RABGAP1L: variants seen among roughly 807,000 people sequenced by gnomAD.
RABGAP1L encodes RAB GTPase activating protein 1 like, also known as rab GTPase-activating protein 1-like.
A neutral mutation model predicts 137.7 loss-of-function variants in RABGAP1L; 63 were observed. That is an observed-to-expected ratio of 0.46 (90% CI 0.37 to 0.56). The LOEUF is 0.56. RABGAP1L is among the 20% of genes least tolerant of loss of function. The pLI is 0.00. For synonymous variants in RABGAP1L, 431 were observed against 433.7 expected (o/e 0.99, Z 0.08); for missense variants, 1,095 against 1,244.0 (o/e 0.88, Z 1.80).
Position 174,571,908 on chromosome 1 carries a change from G to T in RABGAP1L, c.1711-65467G>T, listed in dbSNP as rs892512364. ...CAGAAATTCTTATCATTTTTTTCAG[G>T]ATTAGTCCCAAATACTCAAGTTTAA... On this transcript the variant is annotated intron_variant, in intron 13 of 25. Coordinates refer to ENST00000681986, the MANE Select transcript of RABGAP1L (RefSeq NM_001366446.1). Among the ~76,000 whole-genome samples, 10 of 152,084 alleles carry T rather than the reference G, an allele frequency of 6.6e-5. No homozygotes were observed. The East Asian group carries it at 1.9e-3, about 29-fold the overall frequency.
chr1:174,635,994 G>A (rs1673989764), intron 13 of RABGAP1L, among the ~76,000 whole-genome samples: 1 of 152,144 alleles, frequency 6.6e-6, no homozygotes, highest in Admixed American at 6.5e-5. Context: ...ATGGAAATAA[G>A]ACATTAAGCA....
chr1:174,215,529 T>A lies in RABGAP1L; in HGVS notation c.-33-3596T>A, dbSNP rs560283118. Among the ~76,000 whole-genome samples the A allele has an allele frequency of 5.3e-5, 8 of 151,950 alleles. No individual in the cohort carries two copies. The East Asian group carries it at 1.5e-3, about 29-fold the overall frequency. Reference sequence around the variant, plus strand: ...GACAATAGATTTGAATAGACATTTCTCAAAAGAAGATATACAAATGGCAAA... The same window carrying A: ...GACAATAGATTTGAATAGACATTTCACAAAAGAAGATATACAAATGGCAAA... On this transcript the variant is annotated intron_variant, in intron 1 of 25. Transcript: ENST00000681986.
intron 18 of RABGAP1L, among the ~76,000 whole-genome samples, chr1:174,787,712 A>G (rs1687558532): frequency 6.6e-6 from 1 of 152,178 alleles, no homozygotes; most frequent in Non-Finnish European, 1.5e-5. Flanking sequence ...GTTTTGTTTT[A>G]GGAAGATAAT....
At chr1:174,911,663 C>A (rs1218416593) in intron 19 of RABGAP1L, among the ~76,000 whole-genome samples, 1 of 152,102 alleles carries the variant, frequency 6.6e-6, no homozygotes, top group Admixed American at 6.6e-5. Flanking sequence ...GTTAAAGCTC[C>A]CTTGCTGAAC....
chr1:174,328,565 T>C (rs2148855048), intron 11 of RABGAP1L, among the ~76,000 whole-genome samples: 2 of 151,076 alleles, frequency 1.3e-5, no homozygotes, highest in South Asian at 4.2e-4. Context: ...AGGTCAGGAG[T>C]TCAAGATCAG....
Position 174,419,124 on chromosome 1 carries a change from C to T in RABGAP1L, c.1710+24979C>T, listed in dbSNP as rs375887687. Among the ~76,000 whole-genome samples the T allele has an allele frequency of 4.6e-5, 7 of 152,288 alleles. No individual in the cohort carries two copies. In the East Asian group the frequency reaches 7.7e-4, roughly 17 times the overall value. The stretch of plus-strand genomic sequence containing the variant: ...AAGTCTTGATTTAATGGTTAGAGTA[C>T]TTAGTTTTTGATAATCTATTCTTGG... On this transcript the variant is annotated intron_variant, in intron 13 of 25. Transcript: ENST00000681986.
intron 18 of RABGAP1L, among the ~76,000 whole-genome samples, chr1:174,807,204 T>G (rs947454250): frequency 1.3e-5 from 2 of 152,232 alleles, no homozygotes; most frequent in Non-Finnish European, 2.9e-5. Context: ...AATAAAATAT[T>G]AATTATGTTT....
At chr1:174,416,342 C>G (rs771772373) in intron 13 of RABGAP1L, among the ~76,000 whole-genome samples, 3 of 151,992 alleles carry the variant, frequency 2.0e-5, no homozygotes, top group Non-Finnish European at 2.9e-5. Flanking sequence ...AACTGTAGAC[C>G]TGGCTACTTG....
chr1:174,526,338 T>C (rs545267813), intron 13 of RABGAP1L, among the ~76,000 whole-genome samples: 1 of 152,286 alleles, frequency 6.6e-6, no homozygotes, highest in African/African-American at 2.4e-5. Flanking sequence ...TTTGGTATCA[T>C]GGTAATGCTG....
In RABGAP1L at chr1:174,435,956, T is replaced by A. The variant is rs182970347; in HGVS notation, c.1710+41811T>A. The stretch of plus-strand genomic sequence containing the variant: ...TTTCTGAGAATGATGGTTTCCAGCT[T>A]CATCCGTGTCCCTACAAAGGACATG... On this transcript the variant is annotated intron_variant, in intron 13 of 25. Coordinates refer to ENST00000681986, the MANE Select transcript of RABGAP1L (RefSeq NM_001366446.1). 6.9e-4 allele frequency among the ~76,000 whole-genome samples: 105 copies of A among 152,296 alleles called. 1 individual carries two copies. The highest frequency in any genetic ancestry group is 3.4e-3 in the Middle Eastern group (1 of 294).
chr1:174,802,098 GA>G (rs974836660), intron 18 of RABGAP1L, among the ~76,000 whole-genome samples: 2 of 152,170 alleles, frequency 1.3e-5, no homozygotes, highest in African/African-American at 4.8e-5. Context: ...CCTCTAGTCT[GA>G]AAAAATTAAT....
intron 11 of RABGAP1L, among the ~76,000 whole-genome samples, chr1:174,332,498 C>T (rs182607679): frequency 4.6e-5 from 7 of 152,120 alleles, no homozygotes; most frequent in African/African-American, 7.2e-5. Flanking sequence ...TGGGTTCAAG[C>T]GATTCCCCTG....
At chr1:174,642,196 G>A (rs1386747661) in intron 14 of RABGAP1L, among the ~76,000 whole-genome samples, 1 of 152,032 alleles carries the variant, frequency 6.6e-6, no homozygotes, top group Non-Finnish European at 1.5e-5. Flanking sequence ...TAACTTAATG[G>A]GAGAGATTGA....
At chr1:174,380,657 T>C (rs370818686) in intron 12 of RABGAP1L, among the ~76,000 whole-genome samples, 2 of 151,410 alleles carry the variant, frequency 1.3e-5, no homozygotes, top group African/African-American at 2.4e-5. Context: ...TTTTTTATTG[T>C]GTCTATTTGA....
chr1:174,755,958 A>G (rs184891213), intron 18 of RABGAP1L, among the ~76,000 whole-genome samples: 3 of 152,262 alleles, frequency 2.0e-5, no homozygotes, highest in African/African-American at 7.2e-5. Flanking sequence ...AATTTATCCA[A>G]TGGTCTTAGG....
intron 20 of RABGAP1L, among the ~76,000 whole-genome samples, chr1:174,960,358 C>T (rs1203943619): frequency 6.6e-6 from 1 of 152,162 alleles, no homozygotes; most frequent in Admixed American, 6.5e-5. Context: ...CTTCTTGCTA[C>T]ATCTATGTAA....
intron 19 of RABGAP1L, among the ~76,000 whole-genome samples, chr1:174,914,804 C>T (rs936836522): frequency 1.4e-4 from 22 of 152,128 alleles, no homozygotes; most frequent in African/African-American, 5.3e-4. Context: ...AAAATTCCTT[C>T]ATGCTCATTT....
intron 7 of RABGAP1L, among the ~76,000 whole-genome samples, chr1:174,257,105 C>T (rs898128499): frequency 6.6e-6 from 1 of 152,108 alleles, no homozygotes; most frequent in African/African-American, 2.4e-5. Flanking sequence ...TCAAATTGCC[C>T]TAGAATCAAC....
intron 19 of RABGAP1L, among the ~76,000 whole-genome samples, chr1:174,893,745 T>C (rs536797640): frequency 1.3e-5 from 2 of 152,248 alleles, no homozygotes; most frequent in South Asian, 2.1e-4. Flanking sequence ...ATAGAATACT[T>C]GGAAGGAGGT....
Sources: allele counts gnomAD v4.1 joint callset (sites outside exome capture counted in the v4.1 genomes callset), GRCh38; gene constraint gnomAD v4.1.1; transcripts MANE v1.5; gene names NCBI Gene and HGNC (gene_info 2026-07-23, HGNC 2026-07-21).